Variants in CCDC88C observed in about 807,000 individuals in gnomAD.
CCDC88C encodes coiled-coil and HOOK domain protein 88C.
In CCDC88C, 131 loss-of-function variants were observed where a neutral mutation model predicts 198.8. That is an observed-to-expected ratio of 0.66 (90% CI 0.57 to 0.76). CCDC88C has a LOEUF of 0.76. Ranked by LOEUF, CCDC88C falls within the 30% of genes least tolerant of loss-of-function variation. The pLI is 0.00. For synonymous variants in CCDC88C, 1,166 were observed against 1,114.7 expected (o/e 1.05, Z -0.92); for missense variants, 2,553 against 2,631.6 (o/e 0.97, Z 0.65).
At chr14:91,376,390 C>T (rs1192741849) in intron 3 of CCDC88C, among the ~76,000 whole-genome samples, 1 of 152,118 alleles carries the variant, frequency 6.6e-6, no homozygotes, top group Non-Finnish European at 1.5e-5. Flanking sequence ...TTTAGTGAGC[C>T]CCCGTCCCCT....
chr14:91,277,809 C>T, intron 29 of CCDC88C, 113 bp downstream of exon 29: 1 of 1,256,610 alleles, frequency 8.0e-7, no homozygotes, highest in Non-Finnish European at 1.1e-6. Flanking sequence ...CCAAGCCAGT[C>T]CTGTGCCTAG....
Position 91,313,260 on chromosome 14 carries a change from A to G in CCDC88C, c.2556T>C (p.Asp852=). 6.2e-7 allele frequency: 1 copy of G among 1,613,952 alleles called. No homozygotes were observed. Among genetic ancestry groups the G allele is most frequent in the African/African-American group, 1.3e-5 (1 of 75,032 alleles). ...TGGCAGTGCTATCGTCCAAGACTGC[A>G]TCCTTGAGCTCCACCTGCTGCCACA... ...KRLWQQVELK[D]AVLDDSTAKL... Residue 852 remains aspartate (D), a synonymous_variant, in exon 15 of 30, where the codon GAT becomes GAC. Transcript: ENST00000389857. The surrounding 1 kb of genome is among the most constrained non-coding windows in gnomAD (Gnocchi z 5.2).
intron 25 of CCDC88C, among the ~76,000 whole-genome samples, chr14:91,286,654 C>T (rs750409543): frequency 6.6e-6 from 1 of 152,214 alleles, no homozygotes; most frequent in Non-Finnish European, 1.5e-5. Flanking sequence ...GTGGCTCACA[C>T]CACAGAATAA....
intron 3 of CCDC88C, among the ~76,000 whole-genome samples, chr14:91,388,172 G>A (rs1341228834): frequency 6.6e-6 from 1 of 152,180 alleles, no homozygotes; most frequent in Admixed American, 6.5e-5. Context: ...ACGCCCCAGC[G>A]ATATCCCCAC....
chr14:91,379,131 G>A (rs957348602), intron 3 of CCDC88C: 7 of 152,244 alleles, frequency 4.6e-5, no homozygotes, highest in African/African-American at 1.4e-4. Flanking sequence ...AAAAACTTGC[G>A]ACACACTGGA....
intron 3 of CCDC88C, among the ~76,000 whole-genome samples, chr14:91,366,714 G>A (rs554333013): frequency 2.0e-5 from 3 of 152,172 alleles, no homozygotes; most frequent in Non-Finnish European, 4.4e-5. Context: ...AGAACAGATG[G>A]GAGCCAGGAG....
At position 91,339,297 on chromosome 14, in the gene CCDC88C, G is replaced by A. The variant is rs376282183; in HGVS notation, c.790C>T (p.Arg264Trp). 1.8e-5 allele frequency: 29 copies of A among 1,612,766 alleles called. No individual in the cohort carries two copies. The highest frequency in any genetic ancestry group is 2.2e-5 in the East Asian group (1 of 44,898). Residue 264 changes from arginine to tryptophan, a missense_variant, in exon 8 of 30, where the codon CGG (arginine) becomes TGG (tryptophan). Arg to Trp is a moderately radical substitution (Grantham distance 101, BLOSUM62 -3). Transcript: ENST00000389857. The surrounding 1 kb of genome is among the most constrained non-coding windows in gnomAD (Gnocchi z 5.8). The stretch of plus-strand genomic sequence containing the variant: ...ACTCACAGCTCCTGCCTGACGCGCC[G>A]CAGCCTGGCCTTGGTGTCGGCCAGC... ...VELADTKARL[R>W]RVRQELEDKT... is the part of the protein sequence containing the mutation.
At chr14:91,283,260 G>T in intron 26 of CCDC88C, 69 bp downstream of exon 26, 1 of 1,487,168 alleles carries the variant, frequency 6.7e-7, no homozygotes, top group South Asian at 1.2e-5. Flanking sequence ...TCTGATTTCC[G>T]AGAGCCTGGG....
chr14:91,319,798 G>T (rs1892268766), intron 13 of CCDC88C, among the ~76,000 whole-genome samples: 1 of 152,102 alleles, frequency 6.6e-6, no homozygotes, highest in Admixed American at 6.5e-5. Context: ...GGCCGAGGCG[G>T]GTGGGCCACC....
At chr14:91,332,774 C>T (rs767542084) in intron 10 of CCDC88C, among the ~76,000 whole-genome samples, 2 of 152,254 alleles carry the variant, frequency 1.3e-5, no homozygotes, top group African/African-American at 2.4e-5. Context: ...CCCTTCCCTC[C>T]TCCCGAGACT....
chr14:91,323,589 GGC>G (rs2139826178), intron 12 of CCDC88C, among the ~76,000 whole-genome samples: 1 of 152,298 alleles, frequency 6.6e-6, no homozygotes, highest in South Asian at 2.1e-4. Context: ...CTCCTAGCTA[GGC>G]ACTAGGAGTT....
intron 4 of CCDC88C, among the ~76,000 whole-genome samples, chr14:91,345,190 A>ATATATTTTTTTT (rs1246878587): frequency 3.8e-5 from 2 of 52,198 alleles, no homozygotes; most frequent in Non-Finnish European, 6.8e-5. Flanking sequence ...ATATATATAT[A>ATATATTTTTTTT]TTTTTTTTTT....
intron 3 of CCDC88C, among the ~76,000 whole-genome samples, chr14:91,402,217 A>G (rs1886242545): frequency 6.6e-6 from 1 of 152,166 alleles, no homozygotes; most frequent in African/African-American, 2.4e-5. Flanking sequence ...TTGAGACTGC[A>G]GTGAGCTATG....
chr14:91,375,288 G>GGA (rs895335611), intron 3 of CCDC88C, among the ~76,000 whole-genome samples: 1 of 152,066 alleles, frequency 6.6e-6, no homozygotes, highest in Non-Finnish European at 1.5e-5. Flanking sequence ...CGCGCATGTG[G>GGA]GAGAGAGAGA....
At position 91,273,384 on chromosome 14, in the gene CCDC88C, G is replaced by A; in HGVS notation, c.5328C>T (p.Ser1776=). The change falls in exon 30 of 30, where the codon AGC becomes AGT. Residue 1776 remains serine, a synonymous_variant. Transcript: ENST00000389857. The surrounding 1 kb of genome is among the most constrained non-coding windows in gnomAD (Gnocchi z 5.6). ...VAPRQAQPPQ[S]LSLGRPRQAP... Reference sequence around the variant, plus strand: ...CCTGCCGGGGTCTGCCCAGAGACAGGCTCTGGGGAGGCTGGGCCTGTCTCG... The same window carrying A: ...CCTGCCGGGGTCTGCCCAGAGACAGACTCTGGGGAGGCTGGGCCTGTCTCG... 1 of 1,533,556 alleles carries A rather than the reference G, an allele frequency of 6.5e-7. No individual in the cohort carries two copies. The highest frequency in any genetic ancestry group is 8.8e-7 in the Non-Finnish European group (1 of 1,140,052). 95.0% of individuals were successfully genotyped at this position (1,533,556 alleles called of 1,614,324 possible). A position where few individuals can be genotyped will look rare whatever the true frequency, so the allele number is the denominator to read the frequency against.
intron 29 of CCDC88C, among the ~76,000 whole-genome samples, chr14:91,275,383 G>C (rs950114077): frequency 2.6e-5 from 4 of 152,136 alleles, no homozygotes; most frequent in African/African-American, 9.7e-5. Context: ...GCATCATAAG[G>C]GGCATATAAC....
At chr14:91,387,322 G>A (rs1388359860) in intron 3 of CCDC88C, among the ~76,000 whole-genome samples, 3 of 152,192 alleles carry the variant, frequency 2.0e-5, no homozygotes, top group African/African-American at 7.2e-5. Context: ...GGGTTGTCAT[G>A]GAGAGTGCCA....
rs1289333208 is a variant in CCDC88C, at chr14:91,408,769, T to C, written c.162-2A>G. The C allele has an allele frequency of 6.2e-7, 1 of 1,603,114 alleles. No homozygotes were observed. Among genetic ancestry groups the C allele is most frequent in the Admixed American group, 1.7e-5 (1 of 59,956 alleles). Reference sequence around the variant, plus strand: ...CGTTGATTTGTGGGCCTGGGATCTCTAGGGGAAGAAACACGAGAATGGAAA... The same window carrying C: ...CGTTGATTTGTGGGCCTGGGATCTCCAGGGGAAGAAACACGAGAATGGAAA... On this transcript the variant is annotated splice_acceptor_variant, in intron 2 of 29. Coordinates refer to ENST00000389857, the MANE Select transcript of CCDC88C (RefSeq NM_001080414.4). LOFTEE classifies it high-confidence loss of function.
intron 6 of CCDC88C, among the ~76,000 whole-genome samples, chr14:91,341,644 A>G (rs1445206438): frequency 2.6e-5 from 4 of 152,360 alleles, no homozygotes; most frequent in African/African-American, 9.6e-5. Context: ...TAAGGTAATT[A>G]AAGCACACAA....
Sources: gnomAD v4.1 joint callset for allele counts (sites outside exome capture counted in the v4.1 genomes callset) on GRCh38, gnomAD v4.1.1 for gene constraint, Gnocchi (gnomAD v3.1) non-coding constraint, MANE v1.5 for transcripts, NCBI Gene and HGNC (gene_info 2026-07-23, HGNC 2026-07-21) for gene names.